METTL22: variants seen among roughly 807,000 people sequenced by gnomAD.
METTL22 encodes methyltransferase 22, Kin17 lysine, also known as methyltransferase-like protein 22.
Under a neutral mutation model 48.4 loss-of-function variants are expected in METTL22, and 51 were observed. That is an observed-to-expected ratio of 1.05 (90% CI 0.84 to 1.33). The LOEUF (loss-of-function observed/expected upper bound fraction) is 1.33, where lower values mean the gene tolerates loss of function less well. METTL22 is among the 40% of genes most tolerant of loss of function. The pLI is 0.00. For missense variants in METTL22, 678 were observed against 526.9 expected (o/e 1.29, Z -2.81); for synonymous variants, 255 against 214.1 (o/e 1.19, Z -1.67).
chr16:8,632,418 C>T (rs1198242514), intron 3 of METTL22, among the ~76,000 whole-genome samples: 1 of 152,224 alleles, frequency 6.6e-6, no homozygotes, highest in South Asian at 2.1e-4. Context: ...GTTACCCAGG[C>T]TGGTCTCAAA....
chr16:8,635,178 G>T lies in METTL22; in HGVS notation c.566G>T (p.Gly189Val). Reference sequence around the variant, plus strand: ...TCCTCTTCCCTCCAGGTGTGGCGGGGCGCCCTGCTCCTGGCAGACTACATC... The same window carrying T: ...TCCTCTTCCCTCCAGGTGTGGCGGGTCGCCCTGCTCCTGGCAGACTACATC... ...LEDVGKQVWR[G>V]ALLLADYILF... The change falls in exon 5 of 11, where the codon GGC (glycine) becomes GTC (valine). Residue 189 changes from glycine (G) to valine (V), a missense_variant. Physicochemically the swap from Gly to Val is moderately radical, Grantham distance 109 (BLOSUM62 -3). Coordinates refer to ENST00000381920, the MANE Select transcript of METTL22 (RefSeq NM_024109.4). 1 of 1,611,222 alleles carries T rather than the reference G, an allele frequency of 6.2e-7. No homozygotes were observed. The highest frequency in any genetic ancestry group is 8.5e-7 in the Non-Finnish European group (1 of 1,178,388).
Position 8,649,486 on chromosome 16 carries a change from GGAAA to G in METTL22, c.*3347_*3350del. 6.6e-6 allele frequency: 1 copy of G among 152,112 alleles called. No individual in the cohort carries two copies. The highest frequency in any genetic ancestry group is 1.9e-4 in the East Asian group (1 of 5,192). The allele number at this position is 152,112 out of a possible 1,614,324, so 9.4% of individuals were successfully genotyped here. A position where few individuals can be genotyped will look rare whatever the true frequency, so the allele number is the denominator to read the frequency against. On this transcript the variant is annotated 3_prime_UTR_variant, in exon 11 of 11. Coordinates refer to ENST00000381920, the MANE Select transcript of METTL22 (RefSeq NM_024109.4). ...TGGCTGTTCAGCTGCAGCCTGCATG[GGAAA>G]GAACTGTTAAAACCAACAAAGCCAG...
intron 7 of METTL22, 71 bp downstream of exon 7, chr16:8,641,255 T>A: frequency 6.7e-7 from 1 of 1,497,270 alleles, no homozygotes; most frequent in Non-Finnish European, 9.3e-7. Context: ...TGCCCCTGGC[T>A]CTGTGGTTTT....
chr16:8,643,170 T>G (rs1748863417), intron 9 of METTL22, among the ~76,000 whole-genome samples: 1 of 152,220 alleles, frequency 6.6e-6, no homozygotes. Context: ...CGAAACAGAC[T>G]TCTTCACCCA....
Position 8,646,496 on chromosome 16 carries a change from T to C in METTL22, c.*353T>C, listed in dbSNP as rs1327772316. On this transcript the variant is annotated 3_prime_UTR_variant, in exon 11 of 11. Transcript: ENST00000381920. Reference sequence around the variant, plus strand: ...GCGGCCCTGGCTGTGAGGTGGATTCTTGTACTGCCCTCTGTCAGCTGTTTA... The same window carrying C: ...GCGGCCCTGGCTGTGAGGTGGATTCCTGTACTGCCCTCTGTCAGCTGTTTA... The C allele has an allele frequency of 1.9e-6, 1 of 534,988 alleles. No homozygotes were observed. The highest frequency in any genetic ancestry group is 3.6e-6 in the Non-Finnish European group (1 of 278,420). The allele number at this position is 534,988 out of a possible 1,614,324, so 33.1% of individuals were successfully genotyped here. A position where few individuals can be genotyped will look rare whatever the true frequency, so the allele number is the denominator to read the frequency against.
chr16:8,663,936 G>A, the METTL22 span, among the ~76,000 whole-genome samples: 1,050 of 151,982 alleles, frequency 6.9e-3, 11 homozygotes, highest in African/African-American at 0.024. Context: ...TCTACCCACC[G>A]GATGCCAGGA....
In METTL22 at chr16:8,648,409, C is replaced by CTTGAA. The variant is rs2056841889; in HGVS notation, c.*2266_*2267insTTGAA. On this transcript the variant is annotated 3_prime_UTR_variant, in exon 11 of 11. Transcript: ENST00000381920. ...TTGGGAGGCCGAGGCGGGTGGATCA[C>CTTGAA]CCAAAGTCAGGAGTTCAAGACCAGC... is the stretch of plus-strand genomic sequence containing the variant. 6.6e-6 allele frequency: 1 copy of CTTGAA among 152,182 alleles called. No individual in the cohort carries two copies. The highest frequency in any genetic ancestry group is 2.1e-4 in the South Asian group (1 of 4,824). 9.4% of individuals were successfully genotyped at this position (152,182 alleles called of 1,614,324 possible). A position where few individuals can be genotyped will look rare whatever the true frequency, so the allele number is the denominator to read the frequency against.
chr16:8,641,657 CT>C, intron 7 of METTL22: 1 of 375,776 alleles, frequency 2.7e-6, no homozygotes, highest in Non-Finnish European at 5.1e-6. Flanking sequence ...TTTTTTTTCC[CT>C]GTCAGATGGC....
chr16:8,629,168 C>T, intron 3 of METTL22, 58 bp downstream of exon 3: 1 of 1,567,396 alleles, frequency 6.4e-7, no homozygotes, highest in South Asian at 1.2e-5. Flanking sequence ...AGTGTCACTG[C>T]TCAGGGCTCA....
chr16:8,641,552 G>A, intron 7 of METTL22: 1 of 495,228 alleles, frequency 2.0e-6, no homozygotes. Context: ...AAACAGTGGT[G>A]CCAGGAAACC....
downstream of METTL22, among the ~76,000 whole-genome samples, chr16:8,652,707 C>T (rs1372061372): frequency 2.0e-5 from 3 of 151,914 alleles, no homozygotes; most frequent in Non-Finnish European, 2.9e-5. Context: ...ATTTTAGACT[C>T]ATCTAAACTA....
At position 8,647,243 on chromosome 16, in the gene METTL22, C is replaced by G. The variant is rs116340824; in HGVS notation, c.*1100C>G. The G allele has an allele frequency of 1.9e-5, 3 of 155,642 alleles. No individual in the cohort carries two copies. The South Asian group carries it at 5.6e-4, about 29-fold the overall frequency. The allele number at this position is 155,642 out of a possible 1,614,324, so 9.6% of individuals were successfully genotyped here. A position where few individuals can be genotyped will look rare whatever the true frequency, so the allele number is the denominator to read the frequency against. On this transcript the variant is annotated 3_prime_UTR_variant, in exon 11 of 11. Transcript: ENST00000381920. ...GCACTTGCAAGTCTAACTTCATCTT[C>G]CCAACAAATTTAGGAGGTCCGCAGC...
chr16:8,650,191 T>G (rs1641081), downstream of METTL22, among the ~76,000 whole-genome samples: 150,470 of 152,376 alleles, frequency 0.99, 74,329 homozygotes, highest in Middle Eastern at 1. Context: ...GCCAGGTGTG[T>G]CATGCACCTG....
chr16:8,667,020 TC>T, the METTL22 span: 1 of 151,960 alleles, frequency 6.6e-6, no homozygotes, highest in Non-Finnish European at 1.5e-5. Context: ...GGTCTCGAAC[TC>T]CTGACCTCAG....
intron 3 of METTL22, chr16:8,631,284 T>G (rs2056252077): frequency 6.6e-6 from 1 of 152,252 alleles, no homozygotes; most frequent in South Asian, 2.1e-4. Context: ...TCCAGGGATC[T>G]GCCAGGAATC....
rs543798815 is a variant in METTL22, at chr16:8,625,657, G to T, written c.-9G>T. The T allele has an allele frequency of 1.2e-6, 2 of 1,614,036 alleles. No individual in the cohort carries two copies. Among genetic ancestry groups the T allele is most frequent in the East Asian group, 4.5e-5 (2 of 44,874 alleles). On this transcript the variant is annotated 5_prime_UTR_variant, in exon 2 of 11. Coordinates refer to ENST00000381920, the MANE Select transcript of METTL22 (RefSeq NM_024109.4). Reference sequence around the variant, plus strand: ...ACTCCTGTCCTAGGACTAAGGTGGAGCCTGGGCCATGGTACAGCTGGCTCC... The same window carrying T: ...ACTCCTGTCCTAGGACTAAGGTGGATCCTGGGCCATGGTACAGCTGGCTCC...
At chr16:8,637,156 C>T (rs1331359839) in intron 5 of METTL22, among the ~76,000 whole-genome samples, 3 of 152,178 alleles carry the variant, frequency 2.0e-5, no homozygotes, top group African/African-American at 7.2e-5. Context: ...GTGGTTTACA[C>T]CTCATTGCTT....
Position 8,639,149 on chromosome 16 carries a change from G to A in METTL22, c.759G>A (p.Leu253=), listed in dbSNP as rs749090700. The part of the protein sequence containing the change: ...CQRNIALNSH[L]AATGGGIVRV... The stretch of plus-strand genomic sequence containing the variant: ...GAAACATTGCCCTCAACAGCCACCT[G>A]GCTGCCACTGGAGGTGAGGCCCAGG... Residue 253 remains leucine (L), a synonymous_variant, in exon 6 of 11, where the codon CTG becomes CTA. Coordinates refer to ENST00000381920, the MANE Select transcript of METTL22 (RefSeq NM_024109.4). 2.8e-5 allele frequency: 45 copies of A among 1,613,878 alleles called. No homozygotes were observed. Among genetic ancestry groups the A allele is most frequent in the Admixed American group, 5.0e-5 (3 of 59,998 alleles).
rs111452152 is a variant in METTL22, at chr16:8,625,163, A to C, written c.-170-333A>C. 6.1e-3 allele frequency among the ~76,000 whole-genome samples: 926 copies of C among 152,314 alleles called. 5 individuals are homozygous for C. The highest frequency in any genetic ancestry group is 0.02 in the South Asian group (96 of 4,830). ...AATGCTCTTAGGGGACAGACATTAAATAATTTAGGGGCAAAATGTCATGAT... is the reference window on the plus strand; with the variant it reads ...AATGCTCTTAGGGGACAGACATTAACTAATTTAGGGGCAAAATGTCATGAT... On this transcript the variant is annotated intron_variant, in intron 1 of 10. Coordinates refer to ENST00000381920, the MANE Select transcript of METTL22 (RefSeq NM_024109.4).
Sources: gnomAD v4.1 joint callset for allele counts (sites outside exome capture counted in the v4.1 genomes callset) on GRCh38, gnomAD v4.1.1 for gene constraint, MANE v1.5 for transcripts, NCBI Gene and HGNC (gene_info 2026-07-23, HGNC 2026-07-21) for gene names.